KIF5C: variants seen among roughly 807,000 people sequenced by gnomAD.
KIF5C encodes the protein kinesin family member 5C, also known as kinesin heavy chain isoform 5C.
A neutral mutation model predicts 125.2 loss-of-function variants in KIF5C; 18 were observed. The observed-to-expected ratio is 0.14, with a 90% CI of 0.10 to 0.21. The LOEUF is 0.21. KIF5C is among the 10% of genes least tolerant of loss of function. The pLI is 1.00. For missense variants in KIF5C, 780 were observed against 1,183.8 expected (o/e 0.66, Z 5.01); for synonymous variants, 405 against 434.0 (o/e 0.93, Z 0.83).
At chr2:148,888,655 T>A (rs1391131036) in intron 1 of KIF5C, 1 of 152,082 alleles carries the variant, frequency 6.6e-6, no homozygotes, top group African/African-American at 2.4e-5. Flanking sequence ...ATTTTTTTCC[T>A]CCTTTGTAAG....
At chr2:148,962,341 A>ATTT (rs374547075) in intron 11 of KIF5C, among the ~76,000 whole-genome samples, 2 of 135,742 alleles carry the variant, frequency 1.5e-5, no homozygotes, top group African/African-American at 5.4e-5. Context: ...AATTTTTGTA[A>ATTT]TTTTTTTTTT....
intron 24 of KIF5C, 132 bp from the exon 25 acceptor site, chr2:149,011,438 G>T: frequency 7.9e-7 from 1 of 1,264,312 alleles, no homozygotes; most frequent in Non-Finnish European, 1.1e-6. Flanking sequence ...GAGAGATCTG[G>T]TGGTTGATAA....
intron 1 of KIF5C, among the ~76,000 whole-genome samples, chr2:148,916,610 A>AAGTTTAGTGT (rs1681561519): frequency 1.3e-5 from 2 of 152,172 alleles, no homozygotes; most frequent in South Asian, 4.1e-4. Context: ...AGTGTAATGC[A>AAGTTTAGTGT]AATGCCTGAT....
chr2:148,976,269 A>ATTTATTTG (rs1262185725), intron 12 of KIF5C, among the ~76,000 whole-genome samples: 1 of 150,224 alleles, frequency 6.7e-6, no homozygotes, highest in Non-Finnish European at 1.5e-5. Flanking sequence ...TTATTTATTT[A>ATTTATTTG]TTTATTTATT....
At position 148,875,575 on chromosome 2, in the gene KIF5C, G is replaced by GGCCCCCCCCCCCCCCCCGC; in HGVS notation, c.-43_-42insGCCCCCCCCCCCCCCCCGC. The GGCCCCCCCCCCCCCCCCGC allele has an allele frequency of 1.4e-6, 1 of 699,606 alleles. No individual in the cohort carries two copies. The highest frequency in any genetic ancestry group is 2.6e-6 in the Non-Finnish European group (1 of 389,230). The allele number at this position is 699,606 out of a possible 1,614,324, so 43.3% of individuals were successfully genotyped here. On this transcript the variant is annotated 5_prime_UTR_variant, in exon 1 of 26. Coordinates refer to ENST00000435030, the MANE Select transcript of KIF5C (RefSeq NM_004522.3). ...TCCTCCCTCGTCGTTCCCGGCCCCGGCCCCCCACCCATCCCCGTGCCCCCT... is the reference window on the plus strand; with the variant it reads ...TCCTCCCTCGTCGTTCCCGGCCCCGGGCCCCCCCCCCCCCCCCGCCCCCCCACCCATCCCCGTGCCCCCT...
chr2:148,909,074 C>G (rs1015284673), intron 1 of KIF5C, among the ~76,000 whole-genome samples: 2 of 152,206 alleles, frequency 1.3e-5, no homozygotes, highest in African/African-American at 4.8e-5. Context: ...CACAGAGCAG[C>G]CAAAACAGAA....
intron 19 of KIF5C, among the ~76,000 whole-genome samples, chr2:148,999,693 G>T (rs1461582571): frequency 6.6e-6 from 1 of 152,246 alleles, no homozygotes; most frequent in African/African-American, 2.4e-5. Flanking sequence ...GAAGGAAGAG[G>T]GAGAAAGAGG....
intron 16 of KIF5C, 74 bp downstream of exon 16, chr2:148,991,272 T>A: frequency 6.6e-7 from 1 of 1,525,634 alleles, no homozygotes; most frequent in South Asian, 1.3e-5. Flanking sequence ...TTGCTGGTGC[T>A]GATGGTGCAC....
intron 4 of KIF5C, among the ~76,000 whole-genome samples, chr2:148,940,281 A>G (rs1346352908): frequency 2.0e-5 from 3 of 152,190 alleles, no homozygotes; most frequent in Non-Finnish European, 4.4e-5. Flanking sequence ...TGTAGGCGTG[A>G]GTCTTTCAAA....
Position 148,941,990 on chromosome 2 carries a change from G to A in KIF5C, c.501G>A (p.Lys167=), listed in dbSNP as rs752248579. The A allele has an allele frequency of 6.2e-7, 1 of 1,610,146 alleles. No individual in the cohort carries two copies. The highest frequency in any genetic ancestry group is 8.5e-7 in the Non-Finnish European group (1 of 1,179,206). ...ATAAAAACAGAGTCCCGTATGTAAA[G>A]GTATGAGGAAGATTTGATTGGTGAT... ...HEDKNRVPYV[K]GCTERFVSSP... Residue 167 remains lysine, a splice_region_variant and synonymous_variant, in exon 6 of 26, where the codon AAG becomes AAA. Coordinates refer to ENST00000435030, the MANE Select transcript of KIF5C (RefSeq NM_004522.3).
At chr2:148,918,654 A>G (rs937780583) in intron 1 of KIF5C, among the ~76,000 whole-genome samples, 2 of 152,244 alleles carry the variant, frequency 1.3e-5, no homozygotes, top group Non-Finnish European at 2.9e-5. Flanking sequence ...GGGAATAAGC[A>G]TCATACAGAG....
chr2:148,981,714 T>TA (rs1282257088), intron 14 of KIF5C, among the ~76,000 whole-genome samples, 153 bp downstream of exon 14: 5 of 152,340 alleles, frequency 3.3e-5, no homozygotes, highest in African/African-American at 1.2e-4. Context: ...ACAATTGAAA[T>TA]ACTTCGTGCA....
At chr2:148,983,366 T>C (rs1345778657) in intron 14 of KIF5C, among the ~76,000 whole-genome samples, 3 of 152,260 alleles carry the variant, frequency 2.0e-5, no homozygotes, top group Non-Finnish European at 2.9e-5. Context: ...GCTTAACTTA[T>C]TTCCCTGACT....
Position 148,875,587 on chromosome 2 carries a change from T to TGCCCCCCCCCCCCCC in KIF5C, c.-31_-30insGCCCCCCCCCCCCCC. 1 of 366,936 alleles carries TGCCCCCCCCCCCCCC rather than the reference T, an allele frequency of 2.7e-6. No individual in the cohort carries two copies. The highest frequency in any genetic ancestry group is 2.6e-5 in the South Asian group (1 of 37,748). 22.7% of individuals were successfully genotyped at this position (366,936 alleles called of 1,614,324 possible). A position where few individuals can be genotyped will look rare whatever the true frequency, so the allele number is the denominator to read the frequency against. On this transcript the variant is annotated 5_prime_UTR_variant, in exon 1 of 26. It adds an upstream start codon to the 5' untranslated region. Coordinates refer to ENST00000435030, the MANE Select transcript of KIF5C (RefSeq NM_004522.3). ...GTTCCCGGCCCCGGCCCCCCACCCA[T>TGCCCCCCCCCCCCCC]CCCCGTGCCCCCTCCCTACCGCCGG...
At chr2:148,939,248 C>T (rs1041563534) in intron 4 of KIF5C, among the ~76,000 whole-genome samples, 4 of 152,200 alleles carry the variant, frequency 2.6e-5, no homozygotes, top group East Asian at 3.8e-4. Flanking sequence ...GTATACCTTT[C>T]GTAAATGACA....
intron 25 of KIF5C, among the ~76,000 whole-genome samples, chr2:149,019,075 G>T (rs935644983): frequency 2.0e-5 from 3 of 152,130 alleles, no homozygotes; most frequent in South Asian, 4.1e-4. Context: ...TTGATGCCTG[G>T]TTATTTAATA....
chr2:149,019,916 G>A (rs1327912293), intron 25 of KIF5C, among the ~76,000 whole-genome samples: 3 of 152,122 alleles, frequency 2.0e-5, no homozygotes, highest in Non-Finnish European at 4.4e-5. Context: ...TCCTAAATCT[G>A]GTCACACGTT....
intron 1 of KIF5C, chr2:148,879,741 G>A (rs1039152080): frequency 6.6e-6 from 1 of 152,210 alleles, no homozygotes; most frequent in Non-Finnish European, 1.5e-5. Context: ...CTCTGACATG[G>A]TGAGTTCTCA....
At position 148,989,234 on chromosome 2, in the gene KIF5C, G is replaced by A. The variant is rs915193429; in HGVS notation, c.1717-1776G>A. ...ACGATGTTTGGTTTTCCATTCTTGA[G>A]TTATTAATACTTCACTTAGAATAAT... is the stretch of plus-strand genomic sequence containing the variant. On this transcript the variant is annotated intron_variant, in intron 15 of 25. Transcript: ENST00000435030. Among the ~76,000 whole-genome samples, 15 of 152,034 alleles carry A rather than the reference G, an allele frequency of 9.9e-5. 1 individual carries two copies. Among genetic ancestry groups the A allele is most frequent in the Non-Finnish European group, 1.5e-5 (1 of 68,000 alleles).
Sources: gnomAD v4.1 joint callset for allele counts (sites outside exome capture counted in the v4.1 genomes callset) on GRCh38, gnomAD v4.1.1 for gene constraint, MANE v1.5 for transcripts, NCBI Gene and HGNC (gene_info 2026-07-23, HGNC 2026-07-21) for gene names.